Variants in GMDS observed in about 807,000 individuals in gnomAD.
GMDS encodes the protein GDP-mannose 4,6 dehydratase.
GMDS carries 20 observed loss-of-function variants against 49.9 expected under a neutral mutation model. The observed-to-expected ratio is 0.40, with a 90% CI of 0.28 to 0.58. The LOEUF (loss-of-function observed/expected upper bound fraction) is 0.58, where lower values mean the gene tolerates loss of function less well. Ranked by LOEUF, GMDS falls within the 20% of genes least tolerant of loss-of-function variation. The pLI is 0.42. For missense variants in GMDS, 362 were observed against 481.4 expected, an observed-to-expected ratio of 0.75 and a Z score of 2.32; for synonymous variants, 177 against 178.6, an observed-to-expected ratio of 0.99 and a Z score of 0.07.
At position 2,053,626 on chromosome 6, in the gene GMDS, T is replaced by C. The variant is rs1016063177; in HGVS notation, c.345+62145A>G. ...CATCATAATAGTTCAAATGAGAAAA[T>C]TGTAGAAGAGTGAGACATACATTAT... On this transcript the variant is annotated intron_variant, in intron 4 of 10. Transcript: ENST00000380815. Among the ~76,000 whole-genome samples the C allele has an allele frequency of 3.3e-4, 50 of 152,202 alleles. 1 individual carries two copies. The highest frequency in any genetic ancestry group is 5.8e-4 in the East Asian group (3 of 5,184).
rs73414512 is a variant in GMDS, at chr6:2,091,316, C to T, written c.345+24455G>A. On this transcript the variant is annotated intron_variant, in intron 4 of 10. Transcript: ENST00000380815. ...TCAGGGGAAATGAACTTAGTTCTTC[C>T]ATTTTCCATTACTAGGAACTCAAAT... 4.4e-3 allele frequency among the ~76,000 whole-genome samples: 674 copies of T among 152,256 alleles called. 4 individuals carry two copies. The highest frequency in any genetic ancestry group is 0.016 in the African/African-American group (645 of 41,538).
At chr6:1,677,111 T>A (rs1025142505) in intron 9 of GMDS, among the ~76,000 whole-genome samples, 1 of 152,180 alleles carries the variant, frequency 6.6e-6, no homozygotes, top group Admixed American at 6.5e-5. Context: ...TATCAAAAAG[T>A]GGGCAAAGGA....
chr6:1,659,017 C>T (rs1041934372), intron 9 of GMDS, among the ~76,000 whole-genome samples: 1 of 152,186 alleles, frequency 6.6e-6, no homozygotes, highest in Non-Finnish European at 1.5e-5. Flanking sequence ...TTCTGATGGC[C>T]TTCTGAGAGT....
In GMDS at chr6:1,910,259, T is replaced by TA. The variant is rs1268276777; in HGVS notation, c.771+19843_771+19844insT. On this transcript the variant is annotated intron_variant, in intron 7 of 10. Transcript: ENST00000380815. ...TATAGTATTTTTTGTCCTGGTATGT[T>TA]TAAAAAAAAAAAAAGATGTTAGCTT... 6.8e-3 allele frequency among the ~76,000 whole-genome samples: 886 copies of TA among 131,172 alleles called. 6 individuals carry two copies. The highest frequency in any genetic ancestry group is 0.022 in the African/African-American group (722 of 32,528). 86.1% of individuals were successfully genotyped at this position (131,172 alleles called of 152,430 possible).
At chr6:2,093,665 G>C (rs1426659028) in intron 4 of GMDS, among the ~76,000 whole-genome samples, 1 of 151,596 alleles carries the variant, frequency 6.6e-6, no homozygotes, top group East Asian at 1.9e-4. Flanking sequence ...GTTGCTTATT[G>C]CAAAAAGAAG....
rs531242872 is a variant in GMDS, at chr6:2,059,849, C to T, written c.345+55922G>A. 6.6e-5 allele frequency among the ~76,000 whole-genome samples: 10 copies of T among 151,506 alleles called. No homozygotes were observed. In the South Asian group the frequency reaches 2.1e-3, roughly 32 times the overall value. On this transcript the variant is annotated intron_variant, in intron 4 of 10. Transcript: ENST00000380815. Reference sequence around the variant, plus strand: ...CAGGGCGAAGCTCAGAGACACTGGCCCCCAAAAATTTGCATAGTAATAAAT... The same window carrying T: ...CAGGGCGAAGCTCAGAGACACTGGCTCCCAAAAATTTGCATAGTAATAAAT...
At chr6:1,724,751 C>G (rs574623857) in intron 9 of GMDS, among the ~76,000 whole-genome samples, 1 of 152,342 alleles carries the variant, frequency 6.6e-6, no homozygotes, top group African/African-American at 2.4e-5. Flanking sequence ...TCGGCAGTCC[C>G]TGCTATGTCA....
At chr6:1,713,577 T>C (rs58299283) in intron 9 of GMDS, among the ~76,000 whole-genome samples, 6,181 of 152,146 alleles carry the variant, frequency 0.041, 428 homozygotes, top group African/African-American at 0.14. Flanking sequence ...GTCTTGCCAA[T>C]AGACAAACAG....
At chr6:2,185,530 CCAA>C (rs1443073622) in intron 1 of GMDS, among the ~76,000 whole-genome samples, 2 of 152,192 alleles carry the variant, frequency 1.3e-5, no homozygotes, top group African/African-American at 2.4e-5. Flanking sequence ...GTGTCTGGAG[CCAA>C]CAACAATAAA....
intron 4 of GMDS, among the ~76,000 whole-genome samples, chr6:1,967,273 G>C (rs886771884): frequency 6.6e-6 from 1 of 152,208 alleles, no homozygotes; most frequent in African/African-American, 2.4e-5. Context: ...TAAGCTCCAT[G>C]AGAGCTGGGT....
chr6:1,753,603 T>C (rs1287010034), intron 7 of GMDS, among the ~76,000 whole-genome samples: 1 of 152,188 alleles, frequency 6.6e-6, no homozygotes, highest in Admixed American at 6.5e-5. Flanking sequence ...CAGCACCACA[T>C]TCCACTTATT....
At chr6:1,941,626 G>A (rs6919560) in intron 6 of GMDS, among the ~76,000 whole-genome samples, 5,080 of 152,286 alleles carry the variant, frequency 0.033, 298 homozygotes, top group African/African-American at 0.12. Context: ...AACTTCTGCT[G>A]TCAGTGAGAG....
At chr6:2,101,539 GAGAA>G (rs993417733) in intron 4 of GMDS, among the ~76,000 whole-genome samples, 2 of 151,846 alleles carry the variant, frequency 1.3e-5, no homozygotes, top group Non-Finnish European at 2.9e-5. Flanking sequence ...TAGAAACTGA[GAGAA>G]AGAGAAAAGA....
At chr6:1,991,982 G>A (rs979500664) in intron 4 of GMDS, among the ~76,000 whole-genome samples, 1 of 152,232 alleles carries the variant, frequency 6.6e-6, no homozygotes, top group East Asian at 1.9e-4. Flanking sequence ...CAAATCCCTA[G>A]ATGCGAGGAA....
chr6:2,160,874 GCA>G (rs1777364978), intron 1 of GMDS, among the ~76,000 whole-genome samples: 1 of 152,072 alleles, frequency 6.6e-6, no homozygotes, highest in Non-Finnish European at 1.5e-5. Context: ...TACTGAATGA[GCA>G]CAGACTGCAA....
At chr6:2,125,387 C>T (rs1207893376) in intron 1 of GMDS, among the ~76,000 whole-genome samples, 2 of 152,114 alleles carry the variant, frequency 1.3e-5, no homozygotes, top group African/African-American at 4.8e-5. Context: ...CCGTGGCCTC[C>T]CAAACTGTTG....
chr6:1,663,453 G>T (rs1764145610), intron 9 of GMDS, among the ~76,000 whole-genome samples: 1 of 152,194 alleles, frequency 6.6e-6, no homozygotes, highest in African/African-American at 2.4e-5. Context: ...TCCTAGAAGA[G>T]CAGGAAACCA....
intron 8 of GMDS, among the ~76,000 whole-genome samples, chr6:1,739,572 C>A (rs1293702879): frequency 6.6e-6 from 1 of 152,270 alleles, no homozygotes; most frequent in African/African-American, 2.4e-5. Context: ...GGGATCCAGT[C>A]CCACGCTGGC....
intron 7 of GMDS, among the ~76,000 whole-genome samples, chr6:1,808,601 T>C (rs746709141): frequency 1.3e-5 from 2 of 152,200 alleles, no homozygotes; most frequent in Non-Finnish European, 2.9e-5. Context: ...CAGAACTGAA[T>C]TTCTCTAATC....
Sources: gnomAD v4.1 joint callset for allele counts (sites outside exome capture counted in the v4.1 genomes callset) on GRCh38, gnomAD v4.1.1 for gene constraint, MANE v1.5 for transcripts, NCBI Gene and HGNC (gene_info 2026-07-23, HGNC 2026-07-21) for gene names.